The following CDH20 variants were observed in gnomAD, a reference collection of about 807,000 sequenced individuals.
CDH20 encodes the protein cadherin 20.
CDH20 carries 29 observed loss-of-function variants against 74.2 expected under a neutral mutation model. The ratio of observed to expected loss-of-function variants is 0.39; its 90% CI spans 0.29 to 0.53. CDH20 has a LOEUF of 0.53. Ranked by LOEUF, CDH20 falls within the 20% of genes least tolerant of loss-of-function variation. CDH20 has a pLI of 0.69. For synonymous variants in CDH20, 469 were observed against 405.4 expected (o/e 1.16, Z -1.88); for missense variants, 988 against 1,048.3 (o/e 0.94, Z 0.79).
At chr18:61,549,715 T>A (rs891850758) in intron 10 of CDH20, among the ~76,000 whole-genome samples, 4 of 148,592 alleles carry the variant, frequency 2.7e-5, no homozygotes, top group African/African-American at 1.0e-4. Context: ...TTGGGCACTT[T>A]ATGTCACAAA....
At chr18:61,363,634 G>A (rs1411997089) in intron 1 of CDH20, among the ~76,000 whole-genome samples, 2 of 152,168 alleles carry the variant, frequency 1.3e-5, no homozygotes, top group Non-Finnish European at 2.9e-5. Context: ...TATTCGTGTT[G>A]TTTAAAGTGA....
chr18:61,448,991 C>T (rs1909289482), intron 1 of CDH20, among the ~76,000 whole-genome samples: 1 of 152,160 alleles, frequency 6.6e-6, no homozygotes, highest in Admixed American at 6.5e-5. Flanking sequence ...CAGATGAACA[C>T]CCGACTCCAG....
At chr18:61,503,167 G>A (rs1206027696) in intron 5 of CDH20, 47 bp downstream of exon 5, 17 of 1,431,916 alleles carry the variant, frequency 1.2e-5, no homozygotes, top group African/African-American at 2.9e-5. Flanking sequence ...CCAGAGGGAC[G>A]CACCCGTTGC....
intron 1 of CDH20, among the ~76,000 whole-genome samples, chr18:61,427,464 A>G (rs1913109718): frequency 6.6e-6 from 1 of 152,174 alleles, no homozygotes; most frequent in South Asian, 2.1e-4. Flanking sequence ...GTGCTTAACC[A>G]TTATGCTGTA....
chr18:61,451,669 T>C (rs1385155430), intron 1 of CDH20, among the ~76,000 whole-genome samples: 1 of 152,040 alleles, frequency 6.6e-6, no homozygotes, highest in African/African-American at 2.4e-5. Context: ...GGCAATAAAT[T>C]TATTGGGAAA....
At chr18:61,356,927 A>G (rs1331952476) in intron 1 of CDH20, among the ~76,000 whole-genome samples, 1 of 152,218 alleles carries the variant, frequency 6.6e-6, no homozygotes, top group Non-Finnish European at 1.5e-5. Context: ...AAAGTTCTTG[A>G]AGTATTTAAA....
intron 2 of CDH20, among the ~76,000 whole-genome samples, chr18:61,496,690 C>T (rs906892612): frequency 5.9e-5 from 9 of 152,268 alleles, no homozygotes; most frequent in East Asian, 3.9e-4. Context: ...TCAAGGATCA[C>T]GGAACAAACA....
intron 7 of CDH20, among the ~76,000 whole-genome samples, chr18:61,535,849 A>G (rs1912801594): frequency 1.3e-5 from 2 of 152,190 alleles, no homozygotes; most frequent in Non-Finnish European, 2.9e-5. Context: ...AGTAGGCTGT[A>G]CCCCACAAAT....
chr18:61,529,564 A>G (rs1912565800), intron 7 of CDH20, among the ~76,000 whole-genome samples: 1 of 152,242 alleles, frequency 6.6e-6, no homozygotes, highest in Admixed American at 6.5e-5. Flanking sequence ...CTTTTTAAAT[A>G]TAAACTAGGA....
At chr18:61,394,198 C>A (rs191624931) in intron 1 of CDH20, among the ~76,000 whole-genome samples, 1 of 152,276 alleles carries the variant, frequency 6.6e-6, no homozygotes, top group Non-Finnish European at 1.5e-5. Context: ...AGAACAGATT[C>A]CCAATCAAAT....
intron 1 of CDH20, among the ~76,000 whole-genome samples, chr18:61,450,569 CT>C (rs1186125810): frequency 1.3e-5 from 2 of 151,960 alleles, no homozygotes; most frequent in African/African-American, 2.4e-5. Flanking sequence ...CTAAAAAGAA[CT>C]TTTTTTATTA....
At chr18:61,368,698 A>G (rs995627227) in intron 1 of CDH20, among the ~76,000 whole-genome samples, 1 of 152,172 alleles carries the variant, frequency 6.6e-6, no homozygotes, top group South Asian at 2.1e-4. Flanking sequence ...AATTGCATCA[A>G]AGTAAAAGTA....
chr18:61,536,409 T>C, intron 7 of CDH20, 84 bp from the exon 8 acceptor site: 1 of 1,046,602 alleles, frequency 9.6e-7, no homozygotes, highest in South Asian at 1.7e-5. Context: ...ATGTTTCATA[T>C]GGTAGGCACT....
At chr18:61,512,172 T>A (rs1382473955) in intron 6 of CDH20, among the ~76,000 whole-genome samples, 1 of 152,244 alleles carries the variant, frequency 6.6e-6, no homozygotes, top group East Asian at 1.9e-4. Flanking sequence ...CCACACTGAT[T>A]ACTACCCAGT....
At chr18:61,398,319 T>C (rs1177435580) in intron 1 of CDH20, among the ~76,000 whole-genome samples, 1 of 152,256 alleles carries the variant, frequency 6.6e-6, no homozygotes, top group Non-Finnish European at 1.5e-5. Flanking sequence ...AACTATGTAA[T>C]TTGCCAACAA....
intron 1 of CDH20, among the ~76,000 whole-genome samples, chr18:61,424,536 G>A (rs1050724484): frequency 9.9e-5 from 15 of 152,180 alleles, no homozygotes; most frequent in African/African-American, 2.9e-4. Flanking sequence ...GTCATGCTAT[G>A]GAAAATTGTA....
At chr18:61,456,066 T>C (rs1909561516) in intron 1 of CDH20, among the ~76,000 whole-genome samples, 1 of 152,206 alleles carries the variant, frequency 6.6e-6, no homozygotes, top group South Asian at 2.1e-4. Flanking sequence ...CATAACCCTA[T>C]CATTTAACAA....
chr18:61,389,707 T>C lies in CDH20; in HGVS notation c.-153+55880T>C, dbSNP rs78252503. Among the ~76,000 whole-genome samples the C allele has an allele frequency of 5.5e-4, 84 of 152,304 alleles. 1 individual carries two copies. In the East Asian group the frequency reaches 0.015, roughly 27 times the overall value. ...GTAGTATAAATGTGGTTATTGCCCA[T>C]GCAAAAACACCTCTTTAGTTTCCAC... On this transcript the variant is annotated intron_variant, in intron 1 of 11. Coordinates refer to ENST00000262717, the MANE Select transcript of CDH20 (RefSeq NM_031891.4).
At chr18:61,402,549 T>G (rs1912189970) in intron 1 of CDH20, among the ~76,000 whole-genome samples, 1 of 152,218 alleles carries the variant, frequency 6.6e-6, no homozygotes, top group African/African-American at 2.4e-5. Flanking sequence ...TACTCCCTGA[T>G]TGTAAATTAA....
Sources: allele counts gnomAD v4.1 joint callset (sites outside exome capture counted in the v4.1 genomes callset), GRCh38; gene constraint gnomAD v4.1.1; transcripts MANE v1.5; gene names NCBI Gene and HGNC (gene_info 2026-07-23, HGNC 2026-07-21).